Variants in FBN2 observed in about 807,000 individuals in gnomAD.
FBN2 encodes fibrillin 2, also known as fibrillin-2.
In FBN2, 105 loss-of-function variants were observed where a neutral mutation model predicts 355.6. The observed-to-expected ratio is 0.30, with a 90% confidence interval of 0.25 to 0.35. The LOEUF (loss-of-function observed/expected upper bound fraction) is 0.35, where lower values mean the gene tolerates loss of function less well. FBN2 is among the 10% of genes least tolerant of loss of function. The probability of loss-of-function intolerance (pLI) is 1.00; values close to 1 mark genes in which losing one functional copy is unlikely to be tolerated. For missense variants in FBN2, 3,280 were observed against 3,758.7 expected (o/e 0.87, Z 3.33); for synonymous variants, 1,350 against 1,301.2 (o/e 1.04, Z -0.81).
chr5:128,474,175 C>A (rs1235164724), intron 5 of FBN2, among the ~76,000 whole-genome samples: 1 of 152,094 alleles, frequency 6.6e-6, no homozygotes, highest in Non-Finnish European at 1.5e-5. Flanking sequence ...AGAGCAAAAC[C>A]AATTAACTTA....
chr5:128,470,519 G>A (rs1228329782), intron 5 of FBN2, among the ~76,000 whole-genome samples: 2 of 152,082 alleles, frequency 1.3e-5, no homozygotes, highest in East Asian at 3.8e-4. Context: ...CAGAGATTAG[G>A]GTTCATCCAG....
intron 52 of FBN2, 43 bp from the exon 53 acceptor site, chr5:128,288,600 T>G: frequency 6.2e-7 from 1 of 1,607,372 alleles, no homozygotes; most frequent in Non-Finnish European, 8.5e-7. Context: ...ATGTTTTAGT[T>G]TAACAGGAGA....
intron 13 of FBN2, among the ~76,000 whole-genome samples, chr5:128,377,241 G>T (rs895698639): frequency 6.6e-6 from 1 of 152,074 alleles, no homozygotes; most frequent in South Asian, 2.1e-4. Context: ...AATATGATGT[G>T]TTACCTTGTA....
rs1421758738 is a variant in FBN2, at chr5:128,537,588, T to A, written c.16A>T (p.Arg6Trp). 3.1e-6 allele frequency: 5 copies of A among 1,607,426 alleles called. No individual in the cohort carries two copies. The highest frequency in any genetic ancestry group is 4.2e-6 in the Non-Finnish European group (5 of 1,178,336). MGRRR[R>W]LCLQLYFLWL... ...AGGAAGTAGAGCTGGAGACACAGCC[T>A]CCGTCTTCTCCCCATCGCCGGCGCC... is the stretch of plus-strand genomic sequence containing the variant. The change falls in exon 1 of 65, where the codon AGG (arginine) becomes TGG (tryptophan). Residue 6 changes from arginine (R) to tryptophan (W), a missense_variant. Coordinates refer to ENST00000262464, the MANE Select transcript of FBN2 (RefSeq NM_001999.4).
intron 5 of FBN2, among the ~76,000 whole-genome samples, chr5:128,494,710 G>T (rs1215200833): frequency 1.3e-5 from 2 of 152,110 alleles, no homozygotes; most frequent in East Asian, 1.9e-4. Flanking sequence ...CTGTGCCTCT[G>T]GGGGGCAGCA....
intron 7 of FBN2, among the ~76,000 whole-genome samples, chr5:128,418,945 C>T (rs1581277243): frequency 6.6e-6 from 1 of 152,144 alleles, no homozygotes; most frequent in East Asian, 1.9e-4. Context: ...AGAGTACTGC[C>T]ATCTTAACAA....
At chr5:128,450,313 G>T (rs2127063392) in intron 6 of FBN2, among the ~76,000 whole-genome samples, 1 of 152,040 alleles carries the variant, frequency 6.6e-6, no homozygotes, top group East Asian at 1.9e-4. Context: ...AAATGTAAAA[G>T]AAAGTTAAAA....
chr5:128,448,018 T>A (rs1286981491), intron 6 of FBN2, among the ~76,000 whole-genome samples: 1 of 152,230 alleles, frequency 6.6e-6, no homozygotes, highest in African/African-American at 2.4e-5. Context: ...TGGTTTATCT[T>A]TAGCTTCTCA....
chr5:128,332,810 A>G, intron 32 of FBN2, 102 bp downstream of exon 32: 2 of 1,146,898 alleles, frequency 1.7e-6, no homozygotes, highest in East Asian at 4.7e-5. Flanking sequence ...ACCTTTTTAT[A>G]AAGGAATTAA....
At chr5:128,482,952 A>G (rs1237007453) in intron 5 of FBN2, among the ~76,000 whole-genome samples, 1 of 152,214 alleles carries the variant, frequency 6.6e-6, no homozygotes, top group Non-Finnish European at 1.5e-5. Context: ...CTAGGTGGCC[A>G]TCAATGCTGA....
intron 15 of FBN2, among the ~76,000 whole-genome samples, chr5:128,369,655 G>A (rs1379171144): frequency 6.6e-6 from 1 of 152,134 alleles, no homozygotes; most frequent in African/African-American, 2.4e-5. Flanking sequence ...AATACTTGGA[G>A]CTCTAATCAC....
chr5:128,323,433 T>C (rs1258724612), intron 34 of FBN2, among the ~76,000 whole-genome samples: 2 of 152,188 alleles, frequency 1.3e-5, no homozygotes, highest in Non-Finnish European at 1.5e-5. Flanking sequence ...ATACATTCCA[T>C]CTATATCAAG....
chr5:128,292,942 G>C (rs10043227), intron 48 of FBN2, among the ~76,000 whole-genome samples: 6,413 of 152,170 alleles, frequency 0.042, 479 homozygotes, highest in African/African-American at 0.15. Context: ...GTATTATAAG[G>C]ATGTCTTCAC....
chr5:128,327,454 T>C (rs1750582403), intron 34 of FBN2, among the ~76,000 whole-genome samples: 1 of 152,174 alleles, frequency 6.6e-6, no homozygotes, highest in Non-Finnish European at 1.5e-5. Flanking sequence ...TTTGTGTGTG[T>C]ATATGTGTGT....
intron 5 of FBN2, among the ~76,000 whole-genome samples, chr5:128,479,132 CG>C (rs1755086001): frequency 6.6e-6 from 1 of 152,118 alleles, no homozygotes; most frequent in Admixed American, 6.5e-5. Context: ...GTGACATGAC[CG>C]TAACACTCAA....
Position 128,312,807 on chromosome 5 carries a change from C to T in FBN2, c.4718-12G>A, listed in dbSNP as rs1163871032. On this transcript the variant is annotated splice_polypyrimidine_tract_variant and intron_variant, in intron 36 of 64. Transcript: ENST00000262464. ...GCCCACACGGTTGTCTGCAGAGCAA[C>T]AAAGGAGCTTACAGTTGCCCTTGCT... 6.2e-7 allele frequency: 1 copy of T among 1,613,336 alleles called. No individual in the cohort carries two copies. Among genetic ancestry groups the T allele is most frequent in the South Asian group, 1.1e-5 (1 of 91,074 alleles).
In FBN2 at chr5:128,406,279, T is replaced by A. The variant is rs1255629500; in HGVS notation, c.1078+2395A>T. 2.0e-5 allele frequency among the ~76,000 whole-genome samples: 3 copies of A among 152,228 alleles called. No homozygotes were observed. In the East Asian group the frequency reaches 5.8e-4, roughly 29 times the overall value. On this transcript the variant is annotated intron_variant, in intron 8 of 64. Transcript: ENST00000262464. ...TTCCACCCACAAATTTAATTCCTTT[T>A]CCATCTTAACTACACTTATCACACA...
At chr5:128,467,257 A>AATT (rs1275670916) in intron 5 of FBN2, among the ~76,000 whole-genome samples, 1 of 152,096 alleles carries the variant, frequency 6.6e-6, no homozygotes, top group African/African-American at 2.4e-5. Context: ...TGAAGTCACT[A>AATT]ATTAAGGCAA....
intron 16 of FBN2, among the ~76,000 whole-genome samples, chr5:128,368,455 C>CATATATATAT (rs1561421609): frequency 7.6e-6 from 1 of 132,018 alleles, no homozygotes; most frequent in East Asian, 2.2e-4. Flanking sequence ...CATATATATA[C>CATATATATAT]ACATATATAT....
Sources: gnomAD v4.1 joint callset for allele counts (sites outside exome capture counted in the v4.1 genomes callset) on GRCh38, gnomAD v4.1.1 for gene constraint, MANE v1.5 for transcripts, NCBI Gene and HGNC (gene_info 2026-07-23, HGNC 2026-07-21) for gene names.